The following KIF2C variants were observed in gnomAD, a reference collection of about 807,000 sequenced individuals.
The protein encoded by KIF2C is kinesin-like protein KIF2C.
KIF2C carries 34 observed loss-of-function variants against 97.4 expected under a neutral mutation model. The ratio of observed to expected loss-of-function variants is 0.35; its 90% CI spans 0.27 to 0.46. The LOEUF is 0.46. KIF2C is among the 20% of genes least tolerant of loss of function. KIF2C has a pLI of 1.00. For synonymous variants in KIF2C, 313 were observed against 318.2 expected (o/e 0.98, Z 0.17); for missense variants, 750 against 907.6 (o/e 0.83, Z 2.23).
Position 44,753,269 on chromosome 1 carries a change from C to T in KIF2C, c.562+15C>T. On this transcript the variant is annotated intron_variant, in intron 6 of 20. Transcript: ENST00000372224. Reference sequence around the variant, plus strand: ...TGTGAACTCAGGTAGACACACTGAGCTGTCTGCTGTTCTGCTTCTAGTGAG... The same window carrying T: ...TGTGAACTCAGGTAGACACACTGAGTTGTCTGCTGTTCTGCTTCTAGTGAG... The T allele has an allele frequency of 6.2e-7, 1 of 1,605,320 alleles. No homozygotes were observed. Among genetic ancestry groups the T allele is most frequent in the Non-Finnish European group, 8.5e-7 (1 of 1,173,594 alleles).
chr1:44,739,862 A>T lies in KIF2C; in HGVS notation c.-71A>T. 2 of 1,406,408 alleles carry T rather than the reference A, an allele frequency of 1.4e-6. No individual in the cohort carries two copies. The highest frequency in any genetic ancestry group is 2.0e-6 in the Non-Finnish European group (2 of 991,404). The allele number at this position is 1,406,408 out of a possible 1,614,324, so 87.1% of individuals were successfully genotyped here. A position where few individuals can be genotyped will look rare whatever the true frequency, so the allele number is the denominator to read the frequency against. On this transcript the variant is annotated 5_prime_UTR_variant, in exon 1 of 21. Coordinates refer to ENST00000372224, the MANE Select transcript of KIF2C (RefSeq NM_006845.4). ...AAACTGCGGCGGTTTACGCGGCGTT[A>T]AGACTTCGTAGGGTTAGCGAAATTG... is the stretch of plus-strand genomic sequence containing the variant.
At chr1:44,757,065 G>T (rs537271751) in intron 10 of KIF2C, among the ~76,000 whole-genome samples, 3 of 150,726 alleles carry the variant, frequency 2.0e-5, no homozygotes, top group Non-Finnish European at 4.4e-5. Flanking sequence ...TTACGGGCAC[G>T]TGCCACCACA....
In KIF2C at chr1:44,750,453, C is replaced by G. The variant is rs751542966; in HGVS notation, c.328C>G (p.Arg110Gly). Residue 110 changes from arginine (R) to glycine (G), a missense_variant, in exon 5 of 21, where the codon CGC (arginine) becomes GGC (glycine). Coordinates refer to ENST00000372224, the MANE Select transcript of KIF2C (RefSeq NM_006845.4). Reference sequence around the variant, plus strand: ...TCTCGGTTCTCCAGGTCTTCGAAGCCGCTCCACTCGCATGTCCACTGTCTC... The same window carrying G: ...TCTCGGTTCTCCAGGTCTTCGAAGCGGCTCCACTCGCATGTCCACTGTCTC... ...IPAPKESLRS[R>G]STRMSTVSEL... is the part of the protein sequence containing the mutation. 4.0e-6 allele frequency: 6 copies of G among 1,485,190 alleles called. No homozygotes were observed. The highest frequency in any genetic ancestry group is 5.4e-6 in the Non-Finnish European group (6 of 1,107,052). 92.0% of individuals were successfully genotyped at this position (1,485,190 alleles called of 1,614,324 possible). A position where few individuals can be genotyped will look rare whatever the true frequency, so the allele number is the denominator to read the frequency against.
At chr1:44,761,042 C>A in intron 16 of KIF2C, 1 of 262,672 alleles carries the variant, frequency 3.8e-6, no homozygotes, top group Non-Finnish European at 7.4e-6. Flanking sequence ...TTTCCATGGC[C>A]TCCCTCAGGT....
intron 2 of KIF2C, among the ~76,000 whole-genome samples, chr1:44,744,194 A>G (rs1292695950): frequency 6.6e-6 from 1 of 151,646 alleles, no homozygotes; most frequent in Non-Finnish European, 1.5e-5. Flanking sequence ...TACAACCTCC[A>G]TGCCCCAGGT....
intron 2 of KIF2C, among the ~76,000 whole-genome samples, chr1:44,743,794 TA>T (rs1649047835): frequency 6.6e-6 from 1 of 151,862 alleles, no homozygotes; most frequent in Non-Finnish European, 1.5e-5. Flanking sequence ...AACAAATAAA[TA>T]AAAAAGATAA....
intron 4 of KIF2C, among the ~76,000 whole-genome samples, chr1:44,748,676 G>A (rs1485787140): frequency 1.3e-5 from 2 of 151,052 alleles, no homozygotes; most frequent in Admixed American, 1.3e-4. Context: ...ATGTAGCTGG[G>A]ACTACAGGTG....
intron 16 of KIF2C, among the ~76,000 whole-genome samples, 196 bp from the exon 17 acceptor site, chr1:44,761,720 G>A (rs1431608101): frequency 1.3e-5 from 2 of 152,212 alleles, no homozygotes; most frequent in Admixed American, 6.5e-5. Context: ...GGAAACCAAT[G>A]TCTGAGGCAC....
At position 44,767,400 on chromosome 1, in the gene KIF2C, A is replaced by G. The variant is rs1379390417; in HGVS notation, c.*221A>G. On this transcript the variant is annotated 3_prime_UTR_variant, in exon 21 of 21. Coordinates refer to ENST00000372224, the MANE Select transcript of KIF2C (RefSeq NM_006845.4). ...CTCAGTTGTCGCCCTCACGAGAGGA[A>G]GGAGCTCTTAGTTACCCTTTTGTGT... 2 of 477,086 alleles carry G rather than the reference A, an allele frequency of 4.2e-6. No homozygotes were observed. The highest frequency in any genetic ancestry group is 7.7e-6 in the Non-Finnish European group (2 of 258,818). The allele number at this position is 477,086 out of a possible 1,614,324, so 29.6% of individuals were successfully genotyped here.
In KIF2C at chr1:44,755,920, C is replaced by T. The variant is rs371725319; in HGVS notation, c.760-9C>T. ...TTGCTGTTGGTTGCCTCCTCTCATC[C>T]GCTTGCAGATCGAAGAGCACAGAAT... On this transcript the variant is annotated splice_polypyrimidine_tract_variant and intron_variant, in intron 8 of 20. Coordinates refer to ENST00000372224, the MANE Select transcript of KIF2C (RefSeq NM_006845.4). The T allele has an allele frequency of 4.2e-5, 67 of 1,613,352 alleles. No individual in the cohort carries two copies. The highest frequency in any genetic ancestry group is 1.8e-4 in the Middle Eastern group (1 of 5,680).
In KIF2C at chr1:44,753,830, T is replaced by A. The variant is rs1407746066; in HGVS notation, c.660T>A (p.Ala220=). The part of the protein sequence containing the change: ...AQNSEMRMKR[A]QEYDSSFPNW... Reference sequence around the variant, plus strand: ...ACTCTGAAATGAGAATGAAGAGAGCTCAGGTACCTTTCTTGGGAGACTAGG... The same window carrying A: ...ACTCTGAAATGAGAATGAAGAGAGCACAGGTACCTTTCTTGGGAGACTAGG... Residue 220 remains alanine (A), a synonymous_variant, in exon 7 of 21, where the codon GCT becomes GCA. Transcript: ENST00000372224. 1 of 1,596,022 alleles carries A rather than the reference T, an allele frequency of 6.3e-7. No individual in the cohort carries two copies. Among genetic ancestry groups the A allele is most frequent in the African/African-American group, 1.4e-5 (1 of 73,866 alleles).
At chr1:44,762,748 C>A in intron 19 of KIF2C, 90 bp downstream of exon 19, 1 of 823,216 alleles carries the variant, frequency 1.2e-6, no homozygotes, top group Non-Finnish European at 2.1e-6. Context: ...GGGCCTTGTT[C>A]CCACAGGTAT....
chr1:44,755,525 A>G (rs977934452), intron 8 of KIF2C, among the ~76,000 whole-genome samples: 3 of 152,304 alleles, frequency 2.0e-5, no homozygotes, highest in Admixed American at 1.3e-4. Context: ...CAGCCTCCCA[A>G]AGTGCTGGGA....
intron 2 of KIF2C, among the ~76,000 whole-genome samples, chr1:44,746,025 C>T (rs527667546): frequency 2.2e-4 from 34 of 152,128 alleles, no homozygotes; most frequent in African/African-American, 8.2e-4. Context: ...TACAGGTGCA[C>T]GCTGCCACAC....
intron 2 of KIF2C, among the ~76,000 whole-genome samples, chr1:44,745,464 CTTTTTTTTTTT>C (rs869293971): frequency 1.0e-4 from 4 of 38,348 alleles, no homozygotes; most frequent in East Asian, 8.3e-4. Context: ...TTGTATATGT[CTTTTTTTTTTT>C]TTTTTTTTTT....
chr1:44,751,368 G>A (rs1213553709), intron 5 of KIF2C, among the ~76,000 whole-genome samples: 7 of 151,808 alleles, frequency 4.6e-5, no homozygotes, highest in African/African-American at 1.7e-4. Flanking sequence ...GCTAATTTTT[G>A]TATTTTTAGT....
intron 11 of KIF2C, 26 bp from the exon 12 acceptor site, chr1:44,757,882 T>A (rs373152343): frequency 5.0e-6 from 8 of 1,611,858 alleles, no homozygotes; most frequent in Non-Finnish European, 6.8e-6. Flanking sequence ...CCCTTTTCCA[T>A]GGTCTTCTAC....
Position 44,755,919 on chromosome 1 carries a change from C to G in KIF2C, c.760-10C>G. 1.9e-6 allele frequency: 3 copies of G among 1,613,464 alleles called. No individual in the cohort carries two copies. Among genetic ancestry groups the G allele is most frequent in the Admixed American group, 3.3e-5 (2 of 60,002 alleles). On this transcript the variant is annotated splice_polypyrimidine_tract_variant and intron_variant, in intron 8 of 20. Coordinates refer to ENST00000372224, the MANE Select transcript of KIF2C (RefSeq NM_006845.4). ...TTTGCTGTTGGTTGCCTCCTCTCAT[C>G]CGCTTGCAGATCGAAGAGCACAGAA... is the stretch of plus-strand genomic sequence containing the variant.
chr1:44,747,840 C>G, intron 4 of KIF2C, 140 bp downstream of exon 4: 1 of 714,122 alleles, frequency 1.4e-6, no homozygotes, highest in Non-Finnish European at 2.4e-6. Context: ...GCATCTTTCT[C>G]TATGAGAAAG....
Sources: allele counts gnomAD v4.1 joint callset (sites outside exome capture counted in the v4.1 genomes callset), GRCh38; gene constraint gnomAD v4.1.1; transcripts MANE v1.5; gene names NCBI Gene and HGNC (gene_info 2026-07-23, HGNC 2026-07-21).